Variants in TMEM181 observed in about 807,000 individuals in gnomAD.
TMEM181 encodes transmembrane protein 181, also known as G protein-coupled receptor 178.
A neutral mutation model predicts 71.9 loss-of-function variants in TMEM181; 39 were observed. The ratio of observed to expected loss-of-function variants is 0.54; its 90% CI spans 0.42 to 0.71. The LOEUF (loss-of-function observed/expected upper bound fraction) is 0.71. Ranked by LOEUF, TMEM181 falls within the 30% of genes least tolerant of loss-of-function variation. TMEM181 has a pLI of 0.00. For missense variants in TMEM181, 595 were observed against 583.0 expected (o/e 1.02, Z -0.21); for synonymous variants, 245 against 228.8 (o/e 1.07, Z -0.64).
At chr6:158,597,959 T>C (rs1784470152) in intron 6 of TMEM181, among the ~76,000 whole-genome samples, 1 of 152,206 alleles carries the variant, frequency 6.6e-6, no homozygotes, top group South Asian at 2.1e-4. Flanking sequence ...CTGTAGCAAG[T>C]GGTGCTCCTT....
intron 1 of TMEM181, among the ~76,000 whole-genome samples, chr6:158,539,437 T>A (rs1386682327): frequency 1.3e-5 from 2 of 152,320 alleles, no homozygotes; most frequent in African/African-American, 4.8e-5. Flanking sequence ...AAGGTGAAAT[T>A]GCTACTGTGA....
chr6:158,577,543 A>G (rs1783232437), intron 2 of TMEM181, among the ~76,000 whole-genome samples: 1 of 152,218 alleles, frequency 6.6e-6, no homozygotes, highest in South Asian at 2.1e-4. Flanking sequence ...TCAAGCGGTG[A>G]TGACTGAAAA....
At chr6:158,547,461 G>C (rs1438804226) in intron 1 of TMEM181, among the ~76,000 whole-genome samples, 1 of 152,086 alleles carries the variant, frequency 6.6e-6, no homozygotes, top group Non-Finnish European at 1.5e-5. Flanking sequence ...CGTCTCATCT[G>C]TCCTGGGGCT....
chr6:158,610,555 T>A (rs1785236843), intron 10 of TMEM181: 2 of 444,896 alleles, frequency 4.5e-6, no homozygotes, highest in East Asian at 4.7e-5. Flanking sequence ...TGGATGTGTG[T>A]CCTCCACAAG....
upstream of TMEM181, among the ~76,000 whole-genome samples, chr6:158,555,749 A>C (rs1423183925): frequency 6.6e-6 from 1 of 152,192 alleles, no homozygotes; most frequent in Non-Finnish European, 1.5e-5. Context: ...GCTTTTTATT[A>C]ATCTCTCAGG....
rs1057036590 is a variant in TMEM181, at chr6:158,632,476, A to G, written c.*588A>G. ...AGTTATGACTCATCGGGAATGGGAG[A>G]TGCTGGGGTTCCAACCCTTCACGTC... On this transcript the variant is annotated 3_prime_UTR_variant, in exon 17 of 17. Transcript: ENST00000684151. 6.5e-6 allele frequency: 1 copy of G among 152,794 alleles called. No homozygotes were observed. The allele number at this position is 152,794 out of a possible 1,614,324, so 9.5% of individuals were successfully genotyped here.
chr6:158,611,976 A>ACCCG (rs1785346534), intron 10 of TMEM181, among the ~76,000 whole-genome samples: 1 of 130,180 alleles, frequency 7.7e-6, no homozygotes, highest in African/African-American at 2.7e-5. Flanking sequence ...CTGCAGGGAT[A>ACCCG]CCCCCCCCAC....
At chr6:158,549,178 C>T (rs1043840234) in intron 1 of TMEM181, among the ~76,000 whole-genome samples, 1 of 144,876 alleles carries the variant, frequency 6.9e-6, no homozygotes, top group African/African-American at 2.6e-5. Context: ...AGCCCAGTGG[C>T]GCGATCACGG....
At chr6:158,536,714 G>A in exon 1 of TMEM181, 1 of 1,551,590 alleles carries the variant, frequency 6.4e-7, no homozygotes. Context: ...GGCGGGACCG[G>A]GACCCGGGAG....
chr6:158,617,199 G>C (rs1003504242), intron 10 of TMEM181, among the ~76,000 whole-genome samples: 3 of 152,016 alleles, frequency 2.0e-5, no homozygotes, highest in Admixed American at 2.0e-4. Context: ...GCTTCTTCCT[G>C]GTTTCGTCTT....
chr6:158,607,879 T>G (rs1056147636), intron 8 of TMEM181, among the ~76,000 whole-genome samples: 7 of 152,156 alleles, frequency 4.6e-5, no homozygotes, highest in African/African-American at 1.7e-4. Flanking sequence ...GACACAGCAG[T>G]CCTGGAACTT....
At position 158,607,454 on chromosome 6, in the gene TMEM181, G is replaced by T. The variant is rs191342757; in HGVS notation, c.673+111G>T. ...GCACTTTGAGAGGCTGGGGCAGGAG[G>T]ACTGCTTGAAGCCAGGAGTTTAACA... is the stretch of plus-strand genomic sequence containing the variant. On this transcript the variant is annotated intron_variant, in intron 8 of 16. Transcript: ENST00000684151. 6.1e-6 allele frequency: 6 copies of T among 981,804 alleles called. No homozygotes were observed. The East Asian group carries it at 1.5e-4, about 25-fold the overall frequency. 60.8% of individuals were successfully genotyped at this position (981,804 alleles called of 1,614,324 possible).
intron 1 of TMEM181, among the ~76,000 whole-genome samples, chr6:158,563,140 A>T (rs1243333814): frequency 6.6e-6 from 1 of 151,928 alleles, no homozygotes; most frequent in Non-Finnish European, 1.5e-5. Flanking sequence ...CAGAAACGGG[A>T]TGTTTTGTTT....
rs908791601 is a variant in TMEM181, at chr6:158,634,560, C to T, written c.*2672C>T. ...ATTTCAGTTTCCCTAGGGAGAGCTT[C>T]GTTATCCATGTGGATGATAAGTCTG... On this transcript the variant is annotated 3_prime_UTR_variant, in exon 17 of 17. Coordinates refer to ENST00000684151, the MANE Select transcript of TMEM181 (RefSeq NM_001376852.1). 6.6e-6 allele frequency: 1 copy of T among 152,108 alleles called. No individual in the cohort carries two copies. The highest frequency in any genetic ancestry group is 1.5e-5 in the Non-Finnish European group (1 of 68,016). The allele number at this position is 152,108 out of a possible 1,614,324, so 9.4% of individuals were successfully genotyped here. A position where few individuals can be genotyped will look rare whatever the true frequency, so the allele number is the denominator to read the frequency against.
chr6:158,599,843 G>T (rs1784573827), intron 6 of TMEM181, among the ~76,000 whole-genome samples: 1 of 152,266 alleles, frequency 6.6e-6, no homozygotes. Context: ...ACGCATGTCA[G>T]ATTGAGCTGT....
intron 1 of TMEM181, among the ~76,000 whole-genome samples, chr6:158,569,883 C>T (rs1782708081): frequency 1.3e-5 from 2 of 152,156 alleles, no homozygotes; most frequent in Non-Finnish European, 2.9e-5. Flanking sequence ...GGATTGCAGG[C>T]GTGAGCCACC....
chr6:158,545,393 G>A (rs1344212189), intron 1 of TMEM181, among the ~76,000 whole-genome samples: 3 of 152,238 alleles, frequency 2.0e-5, no homozygotes, highest in East Asian at 1.9e-4. Context: ...GGCAAGTGAC[G>A]GATCTCGCTG....
At chr6:158,609,271 C>G (rs1054554230) in intron 10 of TMEM181, among the ~76,000 whole-genome samples, 1 of 152,050 alleles carries the variant, frequency 6.6e-6, no homozygotes, top group African/African-American at 2.4e-5. Context: ...TAGTACTGAT[C>G]CTTATATATA....
chr6:158,589,630 G>T (rs1446637671), intron 5 of TMEM181, 42 bp from the exon 6 acceptor site: 1 of 1,500,916 alleles, frequency 6.7e-7, no homozygotes. Context: ...GGGAGCGTGA[G>T]TCTCGCTTTC....
Sources: gnomAD v4.1 joint callset for allele counts (sites outside exome capture counted in the v4.1 genomes callset) on GRCh38, gnomAD v4.1.1 for gene constraint, MANE v1.5 for transcripts, NCBI Gene and HGNC (gene_info 2026-07-23, HGNC 2026-07-21) for gene names.